The following SLAIN1 variants were observed in gnomAD, a reference collection of about 807,000 sequenced individuals.
SLAIN1 encodes the protein SLAIN family member 1, also known as SLAIN motif-containing protein 1.
Under a neutral mutation model 55.4 loss-of-function variants are expected in SLAIN1, and 17 were observed. The ratio of observed to expected loss-of-function variants is 0.31; its 90% CI spans 0.21 to 0.46. The LOEUF (loss-of-function observed/expected upper bound fraction) is 0.46. SLAIN1 is among the 20% of genes least tolerant of loss of function. SLAIN1 has a pLI of 1.00. For missense variants in SLAIN1, 682 were observed against 785.1 expected, an observed-to-expected ratio of 0.87 and a Z score of 1.57; for synonymous variants, 348 against 337.4, an observed-to-expected ratio of 1.03 and a Z score of -0.35.
intron 4 of SLAIN1, among the ~76,000 whole-genome samples, chr13:77,749,362 G>T (rs917389309): frequency 2.0e-5 from 3 of 152,112 alleles, no homozygotes; most frequent in Non-Finnish European, 4.4e-5. Flanking sequence ...TCAACTTGTA[G>T]AATCTTTACC....
intron 1 of SLAIN1, among the ~76,000 whole-genome samples, chr13:77,718,067 A>C (rs1377187825): frequency 6.6e-6 from 1 of 151,920 alleles, no homozygotes; most frequent in Admixed American, 6.6e-5. Context: ...TATACTCTTG[A>C]TGGAGTCACA....
intron 1 of SLAIN1, among the ~76,000 whole-genome samples, chr13:77,708,833 C>G (rs902955975): frequency 6.6e-6 from 1 of 152,062 alleles, no homozygotes; most frequent in Non-Finnish European, 1.5e-5. Context: ...GCTGAAAATT[C>G]CAAAAACCAG....
intron 1 of SLAIN1, among the ~76,000 whole-genome samples, chr13:77,714,682 G>T (rs1318602649): frequency 6.6e-6 from 1 of 152,078 alleles, no homozygotes; most frequent in Admixed American, 6.6e-5. Context: ...TGCTTTATTG[G>T]AATACAATTA....
rs980497025 is a variant in SLAIN1, at chr13:77,741,387, C to G, written c.767-2896C>G. 6.1e-6 allele frequency: 6 copies of G among 987,444 alleles called. No homozygotes were observed. In the African/African-American group the frequency reaches 1.0e-4, roughly 17 times the overall value. The allele number at this position is 987,444 out of a possible 1,614,324, so 61.2% of individuals were successfully genotyped here. ...GTTGACCTACATAGAAGAGAAGGAA[C>G]TGGAAGTGCATGTCTGTGTTCTGGC... On this transcript the variant is annotated intron_variant, in intron 2 of 6. Transcript: ENST00000418532.
At chr13:77,741,941 A>T (rs1253215081) in intron 2 of SLAIN1, among the ~76,000 whole-genome samples, 1 of 152,018 alleles carries the variant, frequency 6.6e-6, no homozygotes, top group Non-Finnish European at 1.5e-5. Flanking sequence ...AGCCTTGTTT[A>T]TATTTTTTAT....
At chr13:77,713,722 G>A (rs1342434436) in intron 1 of SLAIN1, among the ~76,000 whole-genome samples, 1 of 152,056 alleles carries the variant, frequency 6.6e-6, no homozygotes, top group Admixed American at 6.5e-5. Flanking sequence ...ACATGCACAC[G>A]TATGTTTATT....
At chr13:77,756,599 C>G (rs921284992) in intron 5 of SLAIN1, among the ~76,000 whole-genome samples, 9 of 151,968 alleles carry the variant, frequency 5.9e-5, no homozygotes, top group African/African-American at 2.2e-4. Context: ...AATAGTTACC[C>G]AACATAATGA....
intron 2 of SLAIN1, among the ~76,000 whole-genome samples, chr13:77,740,861 C>G (rs9600921): frequency 0.19 from 28,852 of 151,936 alleles, 2,835 homozygotes; most frequent in African/African-American, 0.21. Context: ...CACTCCTGTC[C>G]TCCTCCTCCT....
chr13:77,763,276 A>G lies in SLAIN1; in HGVS notation c.*56A>G, dbSNP rs969182320. 10 of 1,403,178 alleles carry G rather than the reference A, an allele frequency of 7.1e-6. No individual in the cohort carries two copies. The highest frequency in any genetic ancestry group is 1.7e-5 in the Admixed American group (1 of 58,818). The allele number at this position is 1,403,178 out of a possible 1,614,324, so 86.9% of individuals were successfully genotyped here. ...AAGAAGTAAAAATGAGGGTTGTGTTACCTAGCTGGCTGGGTAGCAGTGGAT... is the reference window on the plus strand; with the variant it reads ...AAGAAGTAAAAATGAGGGTTGTGTTGCCTAGCTGGCTGGGTAGCAGTGGAT... On this transcript the variant is annotated 3_prime_UTR_variant, in exon 7 of 7. Coordinates refer to ENST00000418532, the MANE Select transcript of SLAIN1 (RefSeq NM_001242868.2).
At chr13:77,736,300 C>A (rs1253880792) in intron 2 of SLAIN1, among the ~76,000 whole-genome samples, 5 of 152,052 alleles carry the variant, frequency 3.3e-5, no homozygotes, top group African/African-American at 1.2e-4. Flanking sequence ...CTCCCTCATT[C>A]TCTGTATTCT....
At chr13:77,733,836 C>T (rs1471739921) in intron 2 of SLAIN1, among the ~76,000 whole-genome samples, 1 of 152,138 alleles carries the variant, frequency 6.6e-6, no homozygotes, top group Non-Finnish European at 1.5e-5. Flanking sequence ...ACTAATGCTA[C>T]TCAAGTTTAC....
rs965021649 is a variant in SLAIN1 at position 77,698,651 on chromosome 13, C to T, written c.626+112C>T. 7.7e-7 allele frequency: 1 copy of T among 1,297,744 alleles called. No homozygotes were observed. The highest frequency in any genetic ancestry group is 9.8e-7 in the Non-Finnish European group (1 of 1,022,360). The allele number at this position is 1,297,744 out of a possible 1,614,324, so 80.4% of individuals were successfully genotyped here. A position where few individuals can be genotyped will look rare whatever the true frequency, so the allele number is the denominator to read the frequency against. Reference sequence around the variant, plus strand: ...CCCCTCGCGGCAGCCGGGGTGACTCCCCGCGGCTCCCGGAGGGGCCGACCC... The same window carrying T: ...CCCCTCGCGGCAGCCGGGGTGACTCTCCGCGGCTCCCGGAGGGGCCGACCC... On this transcript the variant is annotated intron_variant, in intron 1 of 6. Coordinates refer to ENST00000418532, the MANE Select transcript of SLAIN1 (RefSeq NM_001242868.2). The surrounding 1 kb of genome is among the most constrained non-coding windows in gnomAD (Gnocchi z 4.1).
At chr13:77,742,977 C>A in intron 2 of SLAIN1, 1 of 1,232,596 alleles carries the variant, frequency 8.1e-7, no homozygotes, top group Non-Finnish European at 1.0e-6. Flanking sequence ...CATATGCTTC[C>A]ATATAGCTAA....
intron 2 of SLAIN1, among the ~76,000 whole-genome samples, chr13:77,732,424 C>T (rs1359924858): frequency 6.6e-6 from 1 of 152,096 alleles, no homozygotes; most frequent in Non-Finnish European, 1.5e-5. Flanking sequence ...CAGTGTAGAA[C>T]CTGTAAGTTA....
intron 2 of SLAIN1, among the ~76,000 whole-genome samples, chr13:77,728,952 A>G (rs1295815316): frequency 6.6e-6 from 1 of 152,206 alleles, no homozygotes; most frequent in African/African-American, 2.4e-5. Context: ...TGGAAAAACA[A>G]TCTGGAATCA....
At chr13:77,727,790 T>C (rs1439237064) in intron 2 of SLAIN1, among the ~76,000 whole-genome samples, 1 of 152,206 alleles carries the variant, frequency 6.6e-6, no homozygotes, top group Non-Finnish European at 1.5e-5. Context: ...TTAGCAGATT[T>C]CACAGGGCTA....
chr13:77,754,625 G>A (rs930181428), intron 5 of SLAIN1, among the ~76,000 whole-genome samples: 5 of 152,098 alleles, frequency 3.3e-5, no homozygotes, highest in Admixed American at 6.6e-5. Flanking sequence ...TTATAACACA[G>A]TCCAAATACC....
At chr13:77,760,176 TA>T (rs1566251419) in intron 5 of SLAIN1, among the ~76,000 whole-genome samples, 1 of 152,194 alleles carries the variant, frequency 6.6e-6, no homozygotes, top group Non-Finnish European at 1.5e-5. Context: ...TTAAAAAATT[TA>T]AAAACTTCTG....
rs1242933810 is a variant in SLAIN1 at position 77,698,505 on chromosome 13, G to A, written c.592G>A (p.Val198Ile). The A allele has an allele frequency of 4.8e-6, 7 of 1,453,398 alleles. No individual in the cohort carries two copies. The highest frequency in any genetic ancestry group is 5.4e-6 in the Non-Finnish European group (6 of 1,110,134). 90.0% of individuals were successfully genotyped at this position (1,453,398 alleles called of 1,614,324 possible). ...GGTGGAATTGCTGGATCTGGAGAGCGTAGCCGCCTGGCGGGACGAGGACGA... is the reference window on the plus strand; with the variant it reads ...GGTGGAATTGCTGGATCTGGAGAGCATAGCCGCCTGGCGGGACGAGGACGA... ...DEVELLDLES[V>I]AAWRDEDDYT... Residue 198 changes from valine (V) to isoleucine (I), a missense_variant, in exon 1 of 7, where the codon GTA (valine) becomes ATA (isoleucine). Transcript: ENST00000418532. This position sits in a 1 kb window ranked among gnomAD's most constrained non-coding sequence, Gnocchi z 4.1.
Sources: gnomAD v4.1 joint callset for allele counts (sites outside exome capture counted in the v4.1 genomes callset) on GRCh38, gnomAD v4.1.1 for gene constraint, Gnocchi (gnomAD v3.1) non-coding constraint, MANE v1.5 for transcripts, NCBI Gene and HGNC (gene_info 2026-07-23, HGNC 2026-07-21) for gene names.